Variants in DNAH3 observed in about 807,000 individuals in gnomAD.
DNAH3 encodes the protein dynein axonemal heavy chain 3.
In DNAH3, 332 loss-of-function variants were observed where a neutral mutation model predicts 432.5. That is an observed-to-expected ratio of 0.77 (90% CI 0.70 to 0.84). DNAH3 has a LOEUF of 0.84. Ranked by LOEUF, DNAH3 falls within the 40% of genes least tolerant of loss-of-function variation. The pLI is 0.00. For missense variants in DNAH3, 4,861 were observed against 5,114.0 expected, an observed-to-expected ratio of 0.95 and a Z score of 1.51; for synonymous variants, 1,956 against 1,900.2, an observed-to-expected ratio of 1.03 and a Z score of -0.76.
intron 50 of DNAH3, among the ~76,000 whole-genome samples, chr16:20,977,557 C>G (rs1349950683): frequency 1.3e-5 from 2 of 152,116 alleles, no homozygotes; most frequent in African/African-American, 4.8e-5. Flanking sequence ...ACCCAATGCC[C>G]CCAGTGAGCT....
chr16:21,138,104 C>G (rs1489989703), intron 5 of DNAH3, among the ~76,000 whole-genome samples: 1 of 151,912 alleles, frequency 6.6e-6, no homozygotes, highest in Non-Finnish European at 1.5e-5. Context: ...AAAAATCAGC[C>G]AGGTGGGGTG....
chr16:21,107,239 C>CTTTTTTTTTT (rs5816146), intron 14 of DNAH3, among the ~76,000 whole-genome samples: 1 of 91,304 alleles, frequency 1.1e-5, no homozygotes, highest in Admixed American at 1.4e-4. Flanking sequence ...AATTTTTAAT[C>CTTTTTTTTTT]TTTTTTTTTT....
intron 37 of DNAH3, among the ~76,000 whole-genome samples, chr16:21,030,184 T>C (rs2088802843): frequency 6.6e-6 from 1 of 152,170 alleles, no homozygotes; most frequent in Non-Finnish European, 1.5e-5. Context: ...AGTCTATTTT[T>C]CCACTTCCTG....
chr16:20,943,479 C>A (rs1230144867), intron 58 of DNAH3, among the ~76,000 whole-genome samples: 1 of 152,144 alleles, frequency 6.6e-6, no homozygotes, highest in African/African-American at 2.4e-5. Flanking sequence ...CTGCTTCAGC[C>A]TCCCAAAGTG....
rs375578055 is a variant in DNAH3, at chr16:20,989,503, T to C, written c.6602-1438A>G. Among the ~76,000 whole-genome samples, 6 of 152,308 alleles carry C rather than the reference T, an allele frequency of 3.9e-5. No homozygotes were observed. The South Asian group carries it at 1.2e-3, about 32-fold the overall frequency. On this transcript the variant is annotated intron_variant, in intron 44 of 61. Coordinates refer to ENST00000261383, the Ensembl canonical transcript of DNAH3. ...CTTCAGCTAAACACAGGGTGCTGATTGGTGTGTTTACAATCCCTGAGCTAG... is the reference window on the plus strand; with the variant it reads ...CTTCAGCTAAACACAGGGTGCTGATCGGTGTGTTTACAATCCCTGAGCTAG...
At position 21,019,888 on chromosome 16, in the gene DNAH3, A is replaced by G; in HGVS notation, c.5777-19T>C. The G allele has an allele frequency of 1.9e-6, 3 of 1,612,788 alleles. No individual in the cohort carries two copies. In the South Asian group the frequency reaches 3.3e-5, roughly 18 times the overall value. ...ATTTCATCTAAAAGTGAGAAAAGCG[A>G]ATCTCAGGACAGAGTGCAGAATGCC... is the stretch of plus-strand genomic sequence containing the variant. On this transcript the variant is annotated intron_variant, in intron 40 of 61. Coordinates refer to ENST00000261383, the Ensembl canonical transcript of DNAH3.
rs1422898352 is a variant in DNAH3 at position 21,159,251 on chromosome 16, CTAAG to C, written c.117+70_117+73del. 7 of 1,306,258 alleles carry C rather than the reference CTAAG, an allele frequency of 5.4e-6. No individual in the cohort carries two copies. In the Admixed American group the frequency reaches 1.0e-4, roughly 19 times the overall value. The allele number at this position is 1,306,258 out of a possible 1,614,324, so 80.9% of individuals were successfully genotyped here. A position where few individuals can be genotyped will look rare whatever the true frequency, so the allele number is the denominator to read the frequency against. On this transcript the variant is annotated intron_variant, in intron 1 of 61. Transcript: ENST00000261383. Reference sequence around the variant, plus strand: ...GGCTTCTTTACCCCCAAATTAATAACTAAGTACTCGACTCCCCTCTGAGTTCCCA... The same window carrying C: ...GGCTTCTTTACCCCCAAATTAATAACTACTCGACTCCCCTCTGAGTTCCCA...
At position 21,004,258 on chromosome 16, in the gene DNAH3, C is replaced by T. The variant is rs574278783; in HGVS notation, c.6023-1051G>A. Among the ~76,000 whole-genome samples the T allele has an allele frequency of 7.2e-5, 11 of 152,314 alleles. No homozygotes were observed. The South Asian group carries it at 2.3e-3, about 32-fold the overall frequency. On this transcript the variant is annotated intron_variant, in intron 41 of 61. Coordinates refer to ENST00000261383, the Ensembl canonical transcript of DNAH3. Reference sequence around the variant, plus strand: ...ATAGTATAATAAACCGTCCTGTACGCATTATCCAGCCTCAACATGATCATT... The same window carrying T: ...ATAGTATAATAAACCGTCCTGTACGTATTATCCAGCCTCAACATGATCATT...
At chr16:21,026,728 G>C (rs1192516259) in intron 38 of DNAH3, among the ~76,000 whole-genome samples, 8 of 146,056 alleles carry the variant, frequency 5.5e-5, no homozygotes, top group African/African-American at 1.5e-4. Flanking sequence ...AAAAAAGAAG[G>C]AAATGATAGA....
intron 18 of DNAH3, among the ~76,000 whole-genome samples, chr16:21,095,412 G>A (rs1250701149): frequency 6.6e-6 from 1 of 152,216 alleles, no homozygotes; most frequent in African/African-American, 2.4e-5. Flanking sequence ...GAATCTTAAA[G>A]GCAGTGTGCT....
Position 21,000,592 on chromosome 16 carries a change from G to A in DNAH3, c.6127-74C>T, listed in dbSNP as rs1755357152. ...GGAGGTCTTGGCATTCAAGAGACCT[G>A]GGTTTACATTCTAGCTCCATCCCTT... On this transcript the variant is annotated intron_variant, in intron 42 of 61. Transcript: ENST00000261383. 6 of 1,357,132 alleles carry A rather than the reference G, an allele frequency of 4.4e-6. No homozygotes were observed. The South Asian group carries it at 5.6e-5, about 13-fold the overall frequency. The allele number at this position is 1,357,132 out of a possible 1,614,324, so 84.1% of individuals were successfully genotyped here. A position where few individuals can be genotyped will look rare whatever the true frequency, so the allele number is the denominator to read the frequency against.
chr16:21,083,730 T>C (rs181531424), intron 19 of DNAH3, among the ~76,000 whole-genome samples: 1,586 of 152,298 alleles, frequency 0.01, 25 homozygotes, highest in African/African-American at 0.036. Flanking sequence ...CTAGCATCTG[T>C]GGCAGTGGAT....
chr16:20,987,255 A>G, intron 47 of DNAH3, 50 bp downstream of exon 47: 3 of 1,602,828 alleles, frequency 1.9e-6, no homozygotes, highest in Non-Finnish European at 2.6e-6. Flanking sequence ...TAACGTGGTT[A>G]AACACTTGGA....
intron 11 of DNAH3, among the ~76,000 whole-genome samples, chr16:21,117,650 C>T (rs997012976): frequency 1.3e-5 from 2 of 152,178 alleles, no homozygotes; most frequent in African/African-American, 4.8e-5. Context: ...TCAGGCTCAC[C>T]TTCTGAACTT....
chr16:20,985,855 T>G, intron 47 of DNAH3, 140 bp from the exon 48 acceptor site: 1 of 845,650 alleles, frequency 1.2e-6, no homozygotes, highest in South Asian at 1.7e-5. Context: ...ATCAGTTTTG[T>G]TTTGTTTCGT....
chr16:20,968,656 C>T (rs2085170036), intron 52 of DNAH3, among the ~76,000 whole-genome samples: 1 of 150,782 alleles, frequency 6.6e-6, no homozygotes. Flanking sequence ...TCCTCTTTCT[C>T]TTTCTTTGTT....
At chr16:21,090,062 T>G (rs1157020879) in intron 18 of DNAH3, among the ~76,000 whole-genome samples, 1 of 151,140 alleles carries the variant, frequency 6.6e-6, no homozygotes, top group Admixed American at 6.6e-5. Context: ...GTACATAAAT[T>G]AGACCATTTT....
rs758016816 is a variant in DNAH3 at position 21,120,863 on chromosome 16, A to G, written c.1585-9T>C. On this transcript the variant is annotated splice_polypyrimidine_tract_variant and intron_variant, in intron 10 of 61. Transcript: ENST00000261383. The stretch of plus-strand genomic sequence containing the variant: ...AGTGGTATGTATTTCAGCTGTCCCC[A>G]TACATAGTCATCCAAATTACAGGGT... The G allele has an allele frequency of 3.8e-6, 6 of 1,596,348 alleles. No individual in the cohort carries two copies. In the East Asian group the frequency reaches 1.1e-4, roughly 30 times the overall value.
intron 1 of DNAH3, among the ~76,000 whole-genome samples, chr16:21,156,193 TTATTTTA>T (rs991282638): frequency 2.8e-5 from 4 of 143,754 alleles, no homozygotes; most frequent in Non-Finnish European, 5.9e-5. Flanking sequence ...TTATTTTATT[TTATTTTA>T]TTTATTTTAT....
Sources: gnomAD v4.1 joint callset for allele counts (sites outside exome capture counted in the v4.1 genomes callset) on GRCh38, gnomAD v4.1.1 for gene constraint, MANE v1.5 for transcripts, NCBI Gene and HGNC (gene_info 2026-07-23, HGNC 2026-07-21) for gene names.